Variants in NSMCE2 observed in about 807,000 individuals in gnomAD.
NSMCE2 encodes the protein E3 SUMO-protein ligase NSE2.
In NSMCE2, 24 loss-of-function variants were observed where a neutral mutation model predicts 23.8. The ratio of observed to expected loss-of-function variants is 1.01; its 90% CI spans 0.73 to 1.42. The LOEUF is 1.42. NSMCE2 is among the 40% of genes most tolerant of loss of function. The pLI is 0.00. For synonymous variants in NSMCE2, 92 were observed against 94.1 expected, an observed-to-expected ratio of 0.98 and a Z score of 0.13; for missense variants, 284 against 296.5, an observed-to-expected ratio of 0.96 and a Z score of 0.31.
rs373914591 is a variant in NSMCE2 at position 125,257,824 on chromosome 8, G to A, written c.418+75568G>A. On this transcript the variant is annotated intron_variant, in intron 5 of 7. Transcript: ENST00000287437. ...CCTGGGATTACAGGCGTGAGCCACC[G>A]TGCCCGGCCAGACAAAACCAAATGT... Among the ~76,000 whole-genome samples, 29 of 152,196 alleles carry A rather than the reference G, an allele frequency of 1.9e-4. No individual in the cohort carries two copies. In the East Asian group the frequency reaches 4.3e-3, roughly 22 times the overall value.
intron 4 of NSMCE2, among the ~76,000 whole-genome samples, chr8:125,159,972 A>C (rs1821519547): frequency 6.6e-6 from 1 of 152,096 alleles, no homozygotes; most frequent in African/African-American, 2.4e-5. Flanking sequence ...AAAAAAAAAA[A>C]AATTGTTCAG....
intron 3 of NSMCE2, among the ~76,000 whole-genome samples, chr8:125,135,791 A>T (rs1820038309): frequency 2.6e-5 from 4 of 152,218 alleles, no homozygotes; most frequent in African/African-American, 9.6e-5. Flanking sequence ...CCAATAGCAC[A>T]CTATCTTGAT....
intron 5 of NSMCE2, among the ~76,000 whole-genome samples, chr8:125,205,978 A>T (rs1824102302): frequency 6.6e-6 from 1 of 152,204 alleles, no homozygotes; most frequent in Non-Finnish European, 1.5e-5. Flanking sequence ...TGATAGTCCA[A>T]AATTTAAGTG....
At chr8:125,329,550 A>G (rs942733228) in intron 5 of NSMCE2, among the ~76,000 whole-genome samples, 1 of 152,138 alleles carries the variant, frequency 6.6e-6, no homozygotes. Flanking sequence ...GTTATAGACA[A>G]CCTCATTGCC....
At chr8:125,344,784 C>T (rs1052984146) in intron 5 of NSMCE2, among the ~76,000 whole-genome samples, 4 of 151,252 alleles carry the variant, frequency 2.6e-5, no homozygotes, top group Non-Finnish European at 5.9e-5. Context: ...ACTACATGTA[C>T]ATTTTAATTT....
intron 7 of NSMCE2, among the ~76,000 whole-genome samples, chr8:125,363,538 AAGAAAGAGAG>A (rs1813650684): frequency 7.6e-6 from 1 of 131,080 alleles, no homozygotes; most frequent in African/African-American, 2.9e-5. Flanking sequence ...GAAAGAAAGA[AAGAAAGAGAG>A]AGAGAGAGAG....
intron 5 of NSMCE2, among the ~76,000 whole-genome samples, chr8:125,186,338 A>G (rs1280925227): frequency 6.6e-6 from 1 of 152,198 alleles, no homozygotes; most frequent in African/African-American, 2.4e-5. Context: ...GACTTTTTAC[A>G]GTAAATGTTT....
chr8:125,124,571 C>G (rs886769105), intron 3 of NSMCE2, among the ~76,000 whole-genome samples: 2 of 152,066 alleles, frequency 1.3e-5, no homozygotes, highest in African/African-American at 4.8e-5. Context: ...CCTCAACCTT[C>G]TAGGCTCAAG....
chr8:125,233,743 T>C (rs1393986704), intron 5 of NSMCE2, among the ~76,000 whole-genome samples: 3 of 152,144 alleles, frequency 2.0e-5, no homozygotes, highest in Non-Finnish European at 4.4e-5. Context: ...CCCAAATATA[T>C]TGTAATCACA....
chr8:125,117,521 C>A (rs941453897), intron 3 of NSMCE2, among the ~76,000 whole-genome samples: 3 of 151,776 alleles, frequency 2.0e-5, no homozygotes, highest in Non-Finnish European at 2.9e-5. Flanking sequence ...GGGCTTTTTG[C>A]ATTTATACCT....
intron 5 of NSMCE2, among the ~76,000 whole-genome samples, chr8:125,292,996 A>G (rs1423535720): frequency 6.6e-6 from 1 of 152,132 alleles, no homozygotes; most frequent in Non-Finnish European, 1.5e-5. Context: ...TAATTCCATA[A>G]TTTTACTTAA....
intron 5 of NSMCE2, among the ~76,000 whole-genome samples, chr8:125,190,268 A>G (rs1823289593): frequency 6.6e-6 from 1 of 152,092 alleles, no homozygotes; most frequent in Non-Finnish European, 1.5e-5. Flanking sequence ...CCACTCCATA[A>G]GTTTTCTCTT....
Position 125,325,944 on chromosome 8 carries a change from C to T in NSMCE2, c.419-31275C>T, listed in dbSNP as rs542149582. Among the ~76,000 whole-genome samples the T allele has an allele frequency of 2.2e-3, 332 of 150,294 alleles. 3 individuals are homozygous for T. Among genetic ancestry groups the T allele is most frequent in the African/African-American group, 7.9e-3 (323 of 40,782 alleles). Reference sequence around the variant, plus strand: ...TCCAGCCTGGGCAACAAGAGTGAAACTCCGTCTCAAAATAAATAAATAAAT... The same window carrying T: ...TCCAGCCTGGGCAACAAGAGTGAAATTCCGTCTCAAAATAAATAAATAAAT... On this transcript the variant is annotated intron_variant, in intron 5 of 7. Transcript: ENST00000287437.
intron 5 of NSMCE2, among the ~76,000 whole-genome samples, chr8:125,288,023 G>A (rs1443158864): frequency 6.6e-6 from 1 of 152,044 alleles, no homozygotes; most frequent in Non-Finnish European, 1.5e-5. Flanking sequence ...ACAGGGTCTC[G>A]GTATGTTGCC....
chr8:125,330,800 A>T (rs565889753), intron 5 of NSMCE2, among the ~76,000 whole-genome samples: 4 of 152,140 alleles, frequency 2.6e-5, no homozygotes. Context: ...TCCCACAAGC[A>T]CGTGGCCTGG....
rs574537388 is a variant in NSMCE2, at chr8:125,345,192, G to A, written c.419-12027G>A. 8.0e-5 allele frequency among the ~76,000 whole-genome samples: 12 copies of A among 150,656 alleles called. No individual in the cohort carries two copies. The East Asian group carries it at 1.9e-3, about 24-fold the overall frequency. Reference sequence around the variant, plus strand: ...ACAGAATCAGAGGTGATCTAAATACGTATGTGGAGTAGTTTATTTCTTCCA... The same window carrying A: ...ACAGAATCAGAGGTGATCTAAATACATATGTGGAGTAGTTTATTTCTTCCA... On this transcript the variant is annotated intron_variant, in intron 5 of 7. Coordinates refer to ENST00000287437, the MANE Select transcript of NSMCE2 (RefSeq NM_173685.4).
intron 1 of NSMCE2, among the ~76,000 whole-genome samples, chr8:125,096,250 A>C (rs1817923440): frequency 6.6e-6 from 1 of 152,188 alleles, no homozygotes; most frequent in Non-Finnish European, 1.5e-5. Flanking sequence ...GGCCACAGCT[A>C]ACTTCAAGGA....
At chr8:125,179,479 T>TAA (rs1246133559) in intron 4 of NSMCE2, among the ~76,000 whole-genome samples, 4 of 152,204 alleles carry the variant, frequency 2.6e-5, no homozygotes, top group Non-Finnish European at 5.9e-5. Flanking sequence ...AAGAAACCAT[T>TAA]AAAAAATAGT....
chr8:125,113,220 G>C (rs1477554539), intron 3 of NSMCE2, among the ~76,000 whole-genome samples: 5 of 152,072 alleles, frequency 3.3e-5, no homozygotes. Context: ...TGTTGTGGTG[G>C]CTCACACCTG....
Sources: allele counts gnomAD v4.1 joint callset (sites outside exome capture counted in the v4.1 genomes callset), GRCh38; gene constraint gnomAD v4.1.1; transcripts MANE v1.5; gene names NCBI Gene and HGNC (gene_info 2026-07-23, HGNC 2026-07-21).